The following PCDHGA2 variants were observed in gnomAD, a reference collection of about 807,000 sequenced individuals.
The protein encoded by PCDHGA2 is protocadherin gamma-A2.
Under a neutral mutation model 59.2 loss-of-function variants are expected in PCDHGA2, and 40 were observed. That is an observed-to-expected ratio of 0.68 (90% CI 0.52 to 0.88). PCDHGA2 has a LOEUF of 0.88. Ranked by LOEUF, PCDHGA2 falls within the 40% of genes least tolerant of loss-of-function variation. The pLI, the probability that PCDHGA2 is intolerant of heterozygous loss-of-function variation, is 0.00. For synonymous variants in PCDHGA2, 560 were observed against 526.0 expected (o/e 1.06, Z -0.89); for missense variants, 1,226 against 1,204.0 (o/e 1.02, Z -0.27).
In PCDHGA2 at chr5:141,393,593, G is replaced by A. The variant is rs2092803808; in HGVS notation, c.2424+52198G>A. ...TTGAGAACATGCCCCCAGGCACGCG[G>A]CTGCTTACTGTAACAGCCAGCGACC... On this transcript the variant is annotated intron_variant, in intron 1 of 3. Transcript: ENST00000394576. The A allele has an allele frequency of 5.0e-6, 8 of 1,613,906 alleles. No individual in the cohort carries two copies. The East Asian group carries it at 1.8e-4, about 36-fold the overall frequency.
Position 141,356,147 on chromosome 5 carries a change from A to G in PCDHGA2, c.2424+14752A>G, listed in dbSNP as rs1208276998. 19 of 1,613,404 alleles carry G rather than the reference A, an allele frequency of 1.2e-5. No homozygotes were observed. The highest frequency in any genetic ancestry group is 1.5e-5 in the Non-Finnish European group (18 of 1,179,664). On this transcript the variant is annotated intron_variant, in intron 1 of 3. Transcript: ENST00000394576. ...GATTATGAGGACTCTGGATTCTATG[A>G]CATAGATGTAGAAGCCCATGATGGG...
intron 1 of PCDHGA2, chr5:141,366,252 G>A (rs772676267): frequency 8.1e-6 from 13 of 1,613,596 alleles, no homozygotes; most frequent in Non-Finnish European, 1.1e-5. Context: ...CTCAAGCAGA[G>A]CCTCGTGGTG....
intron 1 of PCDHGA2, chr5:141,352,653 C>T (rs200777796): frequency 1.3e-6 from 2 of 1,597,500 alleles, no homozygotes; most frequent in Non-Finnish European, 8.5e-7. Flanking sequence ...GCTTATGACC[C>T]TTCTTTGTCT....
chr5:141,350,158 C>T (rs1758419902), intron 1 of PCDHGA2: 2 of 1,055,330 alleles, frequency 1.9e-6, no homozygotes. Context: ...CCCTCGAGCG[C>T]CTAACTAATA....
chr5:141,348,823 A>G (rs564029612), intron 1 of PCDHGA2, among the ~76,000 whole-genome samples: 20 of 152,344 alleles, frequency 1.3e-4, no homozygotes, highest in African/African-American at 4.1e-4. Context: ...GCTGTTTCGA[A>G]TAGAGTATGA....
At chr5:141,410,527 C>T (rs1398639610) in intron 1 of PCDHGA2, 1 of 1,613,920 alleles carries the variant, frequency 6.2e-7, no homozygotes, top group East Asian at 2.2e-5. Context: ...CCCTACATTC[C>T]AATGAAGACA....
intron 1 of PCDHGA2, chr5:141,372,834 C>A (rs1343091313): frequency 3.9e-6 from 6 of 1,536,106 alleles, no homozygotes; most frequent in South Asian, 1.2e-5. Flanking sequence ...ACCTTTCCTT[C>A]CATAAATATA....
At chr5:141,365,845 A>T in intron 1 of PCDHGA2, 2 of 1,613,920 alleles carry the variant, frequency 1.2e-6, no homozygotes, top group Non-Finnish European at 1.7e-6. Flanking sequence ...CCTCCTATGT[A>T]TCCATTAACT....
rs1423149 is a variant in PCDHGA2, at chr5:141,487,780, C to G, written c.2425-7027C>G. ...TAGACGCTGTGCTTTGTAACTGTTTCGTGAATTAACCAGAGTTGTCACAGT... is the reference window on the plus strand; with the variant it reads ...TAGACGCTGTGCTTTGTAACTGTTTGGTGAATTAACCAGAGTTGTCACAGT... On this transcript the variant is annotated intron_variant, in intron 1 of 3. Transcript: ENST00000394576. This position sits in a 1 kb window ranked among gnomAD's most constrained non-coding sequence, Gnocchi z 5.0. 6.6e-7 allele frequency: 1 copy of G among 1,526,704 alleles called. No individual in the cohort carries two copies. The allele number at this position is 1,526,704 out of a possible 1,614,324, so 94.6% of individuals were successfully genotyped here. A position where few individuals can be genotyped will look rare whatever the true frequency, so the allele number is the denominator to read the frequency against.
intron 1 of PCDHGA2, chr5:141,390,447 G>A: frequency 1.2e-6 from 1 of 843,848 alleles, no homozygotes; most frequent in Non-Finnish European, 1.8e-6. Flanking sequence ...TACAAAGGAG[G>A]AGTAAAGTAG....
intron 1 of PCDHGA2, among the ~76,000 whole-genome samples, chr5:141,448,287 C>G (rs1394399947): frequency 6.6e-6 from 1 of 152,130 alleles, no homozygotes; most frequent in Non-Finnish European, 1.5e-5. Flanking sequence ...GCAACTTGCT[C>G]TTTCCACTTA....
chr5:141,476,070 C>T lies in PCDHGA2; in HGVS notation c.2425-18737C>T. ...CCCGCTGAAAGTTTCTCAGCGAAAT[C>T]TCAGGGACGATCTGGACCCCGCTGA... is the stretch of plus-strand genomic sequence containing the variant. On this transcript the variant is annotated intron_variant, in intron 1 of 3. Transcript: ENST00000394576. This position sits in a 1 kb window ranked among gnomAD's most constrained non-coding sequence, Gnocchi z 7.6. 6.6e-7 allele frequency: 1 copy of T among 1,522,382 alleles called. No individual in the cohort carries two copies. The highest frequency in any genetic ancestry group is 1.3e-5 in the South Asian group (1 of 77,762). 94.3% of individuals were successfully genotyped at this position (1,522,382 alleles called of 1,614,324 possible). A position where few individuals can be genotyped will look rare whatever the true frequency, so the allele number is the denominator to read the frequency against.
Position 141,431,253 on chromosome 5 carries a change from A to G in PCDHGA2, c.2425-63554A>G, listed in dbSNP as rs1554123268. The G allele has an allele frequency of 1.2e-6, 2 of 1,614,132 alleles. No individual in the cohort carries two copies. Among genetic ancestry groups the G allele is most frequent in the South Asian group, 1.1e-5 (1 of 91,088 alleles). ...GCCTGGGATCCGGATATCGGGAAGA[A>G]CTCTCTGCAGAGCTACGAGCTCAGC... is the stretch of plus-strand genomic sequence containing the variant. On this transcript the variant is annotated intron_variant, in intron 1 of 3. Transcript: ENST00000394576. The surrounding 1 kb of genome is among the most constrained non-coding windows in gnomAD (Gnocchi z 4.8).
chr5:141,414,867 C>T (rs2095797355), intron 1 of PCDHGA2: 9 of 1,614,230 alleles, frequency 5.6e-6, no homozygotes, highest in South Asian at 1.1e-5. Flanking sequence ...ACAATGCGCC[C>T]GAGATCCTGT....
At chr5:141,441,849 G>A (rs1192040398) in intron 1 of PCDHGA2, 2 of 345,448 alleles carry the variant, frequency 5.8e-6, no homozygotes, top group Non-Finnish European at 1.1e-5. Context: ...TCTTGGATAT[G>A]GTGCTGCACG....
chr5:141,436,859 A>T (rs550974791), intron 1 of PCDHGA2, among the ~76,000 whole-genome samples: 1 of 152,250 alleles, frequency 6.6e-6, no homozygotes, highest in Non-Finnish European at 1.5e-5. Flanking sequence ...TTGAGAAGCC[A>T]CAGTTTTAGG....
At chr5:141,470,780 T>G (rs1436746772) in intron 1 of PCDHGA2, among the ~76,000 whole-genome samples, 1 of 152,194 alleles carries the variant, frequency 6.6e-6, no homozygotes, top group Non-Finnish European at 1.5e-5. Flanking sequence ...CTTGAATTCC[T>G]GGGCTCAAGC....
chr5:141,341,433 T>C, intron 1 of PCDHGA2, 38 bp downstream of exon 1: 1 of 1,611,604 alleles, frequency 6.2e-7, no homozygotes, highest in Non-Finnish European at 8.5e-7. Context: ...CTAGCTAGTT[T>C]GCTGAAGTAA....
chr5:141,428,055 G>C (rs1232516220), intron 1 of PCDHGA2: 8 of 1,608,952 alleles, frequency 5.0e-6, no homozygotes, highest in African/African-American at 1.3e-5. Context: ...CAAGGTGGTG[G>C]CGGTGGACGC....
Sources: gnomAD v4.1 joint callset for allele counts (sites outside exome capture counted in the v4.1 genomes callset) on GRCh38, gnomAD v4.1.1 for gene constraint, Gnocchi (gnomAD v3.1) non-coding constraint, MANE v1.5 for transcripts, NCBI Gene and HGNC (gene_info 2026-07-23, HGNC 2026-07-21) for gene names.